Variants in DISC1 observed in about 807,000 individuals in gnomAD.
DISC1 encodes disrupted in schizophrenia 1 protein.
In DISC1, 57 loss-of-function variants were observed where a neutral mutation model predicts 84.5. The ratio of observed to expected loss-of-function variants is 0.67; its 90% CI spans 0.55 to 0.84. The LOEUF is 0.84. Ranked by LOEUF, DISC1 falls within the 40% of genes least tolerant of loss-of-function variation. The pLI is 0.00. For synonymous variants in DISC1, 411 were observed against 415.2 expected, an observed-to-expected ratio of 0.99 and a Z score of 0.12; for missense variants, 1,000 against 1,057.8, an observed-to-expected ratio of 0.95 and a Z score of 0.76.
intron 1 of DISC1, among the ~76,000 whole-genome samples, chr1:231,643,716 A>G (rs1660325634): frequency 6.6e-6 from 1 of 152,228 alleles, no homozygotes; most frequent in Non-Finnish European, 1.5e-5. Context: ...ATAGGAAGTA[A>G]TAATGCTTAT....
chr1:231,736,042 G>C (rs2030311028), intron 3 of DISC1, among the ~76,000 whole-genome samples: 1 of 152,128 alleles, frequency 6.6e-6, no homozygotes, highest in African/African-American at 2.4e-5. Context: ...TTGAATTTCT[G>C]AGCTCAAGTG....
At chr1:231,736,573 A>G (rs2072533928) in intron 3 of DISC1, among the ~76,000 whole-genome samples, 1 of 152,246 alleles carries the variant, frequency 6.6e-6, no homozygotes, top group Non-Finnish European at 1.5e-5. Flanking sequence ...TTTCATGAAA[A>G]TAAACTCAAC....
intron 1 of DISC1, among the ~76,000 whole-genome samples, chr1:231,628,357 G>A (rs1408358674): frequency 1.3e-5 from 2 of 152,238 alleles, no homozygotes; most frequent in East Asian, 1.9e-4. Context: ...CGCATTGCCT[G>A]AGGATTAAAT....
chr1:231,776,942 G>A (rs1295812682), intron 6 of DISC1, among the ~76,000 whole-genome samples: 2 of 152,144 alleles, frequency 1.3e-5, no homozygotes, highest in Non-Finnish European at 2.9e-5. Context: ...GGGGTAGTGC[G>A]AGGCAGCCAC....
intron 3 of DISC1, among the ~76,000 whole-genome samples, chr1:231,714,138 T>C (rs991117471): frequency 3.3e-5 from 5 of 152,076 alleles, no homozygotes; most frequent in Admixed American, 1.3e-4. Flanking sequence ...TAATTCTATT[T>C]ATAATAGCAT....
At chr1:231,921,997 A>T (rs554836900) in intron 9 of DISC1, among the ~76,000 whole-genome samples, 1 of 151,952 alleles carries the variant, frequency 6.6e-6, no homozygotes, top group Non-Finnish European at 1.5e-5. Context: ...TGCTTTTTCT[A>T]TCACTCAGAG....
intron 11 of DISC1, among the ~76,000 whole-genome samples, chr1:232,025,647 A>C (rs1026323907): frequency 7.8e-4 from 111 of 141,508 alleles, no homozygotes; most frequent in Non-Finnish European, 1.5e-3. Flanking sequence ...CCCAGGCTGG[A>C]GTGCAGTGGT....
At chr1:231,768,532 C>T (rs2793101) in intron 5 of DISC1, among the ~76,000 whole-genome samples, 14,689 of 150,392 alleles carry the variant, frequency 0.098, 761 homozygotes, top group Middle Eastern at 0.14. Flanking sequence ...AATTAAAGGT[C>T]TACACAATTC....
chr1:231,677,491 G>A (rs1466858609), intron 1 of DISC1, among the ~76,000 whole-genome samples: 1 of 152,208 alleles, frequency 6.6e-6, no homozygotes, highest in Admixed American at 6.5e-5. Context: ...AAAATTTATT[G>A]AGCATTTAAC....
At chr1:231,697,210 A>C (rs190757517) in intron 2 of DISC1, among the ~76,000 whole-genome samples, 17 of 152,294 alleles carry the variant, frequency 1.1e-4, no homozygotes, top group African/African-American at 4.1e-4. Context: ...CCTTTGAAAG[A>C]GTAGGATTTC....
intron 9 of DISC1, among the ~76,000 whole-genome samples, chr1:231,929,781 C>T (rs2090545671): frequency 6.6e-6 from 1 of 152,158 alleles, no homozygotes; most frequent in Non-Finnish European, 1.5e-5. Context: ...AAGGGTAATC[C>T]TGGTTTTCTT....
chr1:231,870,541 A>G (rs2085383457), intron 9 of DISC1, among the ~76,000 whole-genome samples: 1 of 152,172 alleles, frequency 6.6e-6, no homozygotes, highest in Non-Finnish European at 1.5e-5. Flanking sequence ...CGTTGTGGGA[A>G]GGCGGCTGGA....
chr1:231,713,539 C>G (rs1478318084), intron 3 of DISC1, among the ~76,000 whole-genome samples: 1 of 151,616 alleles, frequency 6.6e-6, no homozygotes, highest in Non-Finnish European at 1.5e-5. Context: ...GAGGGTTAGA[C>G]AGAAGATTTG....
intron 10 of DISC1, among the ~76,000 whole-genome samples, chr1:231,977,316 T>C (rs1034082233): frequency 6.6e-6 from 1 of 152,192 alleles, no homozygotes; most frequent in African/African-American, 2.4e-5. Flanking sequence ...CATAATCAAG[T>C]CCACTGGATA....
chr1:231,961,484 C>G (rs1660374035), intron 10 of DISC1, among the ~76,000 whole-genome samples: 1 of 152,148 alleles, frequency 6.6e-6, no homozygotes, highest in Non-Finnish European at 1.5e-5. Context: ...GATCCTGTCA[C>G]TCAAGTAGTA....
intron 10 of DISC1, among the ~76,000 whole-genome samples, chr1:231,977,034 A>G (rs1287223970): frequency 6.6e-6 from 1 of 152,222 alleles, no homozygotes; most frequent in Non-Finnish European, 1.5e-5. Flanking sequence ...ACCTTGCCAA[A>G]GGTCCAACAG....
rs1667771649 is a variant in DISC1, at chr1:232,008,779, T to A, written c.2043-6T>A. 6.5e-7 allele frequency: 1 copy of A among 1,545,720 alleles called. No homozygotes were observed. The highest frequency in any genetic ancestry group is 8.7e-7 in the Non-Finnish European group (1 of 1,147,116). On this transcript the variant is annotated splice_polypyrimidine_tract_variant and splice_region_variant and intron_variant, in intron 10 of 12. Transcript: ENST00000439617. ...TTTTTATGCCTTTGTTTCCTCTCTG[T>A]CTCAGCTGCAAGTGTCCACTGCTTG... is the stretch of plus-strand genomic sequence containing the variant.
In DISC1 at chr1:231,734,516, C is replaced by T. The variant is rs756660247; in HGVS notation, c.1118-15410C>T. On this transcript the variant is annotated intron_variant, in intron 3 of 12. Coordinates refer to ENST00000439617, the MANE Select transcript of DISC1 (RefSeq NM_018662.3). ...TCTCTCTCTCACGCACACACACACACGCATGCGCACACACACACAAGCTTG... is the reference window on the plus strand; with the variant it reads ...TCTCTCTCTCACGCACACACACACATGCATGCGCACACACACACAAGCTTG... 3.3e-4 allele frequency among the ~76,000 whole-genome samples: 50 copies of T among 152,226 alleles called. 1 individual carries two copies. The highest frequency in any genetic ancestry group is 8.2e-4 in the African/African-American group (34 of 41,534).
At chr1:231,952,090 CAAAA>C (rs11392611) in intron 9 of DISC1, among the ~76,000 whole-genome samples, 192 of 54,230 alleles carry the variant, frequency 3.5e-3, no homozygotes, top group African/African-American at 0.01. Flanking sequence ...CTCAATGTCT[CAAAA>C]AAAAAAAAAA....
Sources: allele counts gnomAD v4.1 joint callset (sites outside exome capture counted in the v4.1 genomes callset), GRCh38; gene constraint gnomAD v4.1.1; transcripts MANE v1.5; gene names NCBI Gene and HGNC (gene_info 2026-07-23, HGNC 2026-07-21).